The following OTUD7A variants were observed in gnomAD, a reference collection of about 807,000 sequenced individuals.
OTUD7A encodes OTU deubiquitinase 7A.
Under a neutral mutation model 65.7 loss-of-function variants are expected in OTUD7A, and 12 were observed. That is an observed-to-expected ratio of 0.18 (90% CI 0.12 to 0.30). The LOEUF is 0.30. OTUD7A is among the 10% of genes least tolerant of loss of function. The pLI, the probability that OTUD7A is intolerant of heterozygous loss-of-function variation, is 1.00. For missense variants in OTUD7A, 1,148 were observed against 1,304.8 expected, an observed-to-expected ratio of 0.88 and a Z score of 1.85; for synonymous variants, 641 against 586.3, an observed-to-expected ratio of 1.09 and a Z score of -1.35.
chr15:31,786,550 T>C (rs1895679570), intron 1 of OTUD7A, among the ~76,000 whole-genome samples: 1 of 152,122 alleles, frequency 6.6e-6, no homozygotes, highest in African/African-American at 2.4e-5. Context: ...GAGGGGTGTG[T>C]GGCTTTGTGG....
chr15:31,497,139 G>A (rs2041398083), intron 10 of OTUD7A, among the ~76,000 whole-genome samples: 1 of 152,202 alleles, frequency 6.6e-6, no homozygotes, highest in Admixed American at 6.5e-5. Context: ...GGAAGGCACT[G>A]AGGACACACT....
intron 12 of OTUD7A, among the ~76,000 whole-genome samples, chr15:31,486,869 T>C (rs2041245296): frequency 6.6e-6 from 1 of 152,260 alleles, no homozygotes; most frequent in Non-Finnish European, 1.5e-5. Context: ...GCGTGTTGAT[T>C]CCTTCTGCAG....
rs72709355 is a variant in OTUD7A, at chr15:31,769,531, T to C, written c.-100+100976A>G. Among the ~76,000 whole-genome samples, 1,382 of 152,336 alleles carry C rather than the reference T, an allele frequency of 9.1e-3. 11 individuals are homozygous for C. The highest frequency in any genetic ancestry group is 0.017 in the Middle Eastern group (5 of 294). On this transcript the variant is annotated intron_variant, in intron 1 of 12. Coordinates refer to ENST00000307050, the MANE Select transcript of OTUD7A (RefSeq NM_001382637.1). Reference sequence around the variant, plus strand: ...TTCACGAATGTTCATAGCCACTTTATTTGTGATAATCCCAAACTAGAACCT... The same window carrying C: ...TTCACGAATGTTCATAGCCACTTTACTTGTGATAATCCCAAACTAGAACCT...
intron 1 of OTUD7A, among the ~76,000 whole-genome samples, chr15:31,681,328 C>T (rs952466660): frequency 5.3e-5 from 8 of 152,060 alleles, no homozygotes; most frequent in Non-Finnish European, 1.2e-4. Context: ...CCCACCCACC[C>T]AGCCACCCAC....
rs74461343 is a variant in OTUD7A at position 31,596,511 on chromosome 15, T to C, written c.152-26314A>G. On this transcript the variant is annotated intron_variant, in intron 3 of 12. Transcript: ENST00000307050. ...CTTTAGTTAATATCCAAGAGTAGAA[T>C]TGCTGGGTTAAGGGCTTAAATGTAT... Among the ~76,000 whole-genome samples the C allele has an allele frequency of 3.3e-3, 506 of 152,330 alleles. 2 individuals carry two copies. Among genetic ancestry groups the C allele is most frequent in the African/African-American group, 0.011 (472 of 41,576 alleles).
intron 1 of OTUD7A, among the ~76,000 whole-genome samples, chr15:31,738,125 G>C (rs1894242418): frequency 6.6e-6 from 1 of 152,122 alleles, no homozygotes; most frequent in African/African-American, 2.4e-5. Context: ...CAGTTTGCCA[G>C]AGAAAACAAG....
chr15:31,659,985 G>T, intron 1 of OTUD7A, among the ~76,000 whole-genome samples: 1 of 152,278 alleles, frequency 6.6e-6, no homozygotes, highest in Non-Finnish European at 1.5e-5. Context: ...ATGAGGGTGA[G>T]AACAACCCTG....
intron 10 of OTUD7A, among the ~76,000 whole-genome samples, chr15:31,497,584 A>G (rs1192178416): frequency 6.6e-6 from 1 of 152,154 alleles, no homozygotes; most frequent in East Asian, 1.9e-4. Flanking sequence ...GAATAGCCAC[A>G]GATGGCATTG....
intron 5 of OTUD7A, among the ~76,000 whole-genome samples, chr15:31,535,809 T>C (rs1887782555): frequency 6.6e-6 from 1 of 151,668 alleles, no homozygotes; most frequent in Admixed American, 6.6e-5. Flanking sequence ...CCCGAGTAGC[T>C]GGGACTACAG....
At chr15:31,654,720 T>A (rs947036479) in intron 3 of OTUD7A, among the ~76,000 whole-genome samples, 1 of 152,212 alleles carries the variant, frequency 6.6e-6, no homozygotes, top group African/African-American at 2.4e-5. Flanking sequence ...GCAAATGGTA[T>A]CTACGTGAAA....
intron 3 of OTUD7A, among the ~76,000 whole-genome samples, chr15:31,653,340 A>G (rs2141276000): frequency 6.6e-6 from 1 of 152,310 alleles, no homozygotes; most frequent in South Asian, 2.1e-4. Context: ...CTCTAGTTGT[A>G]ACTGCCAAAA....
chr15:31,611,927 C>G (rs7169637), intron 3 of OTUD7A, among the ~76,000 whole-genome samples: 43,625 of 152,046 alleles, frequency 0.29, 7,387 homozygotes, highest in African/African-American at 0.47. Context: ...CCAAATCCAA[C>G]AACATATCAA....
intron 1 of OTUD7A, among the ~76,000 whole-genome samples, chr15:31,750,205 C>T (rs1490182715): frequency 2.0e-5 from 3 of 151,940 alleles, no homozygotes; most frequent in African/African-American, 2.4e-5. Context: ...GTCAGGAGTT[C>T]GAGACCAGCC....
At chr15:31,656,698 T>C (rs929415764) in intron 2 of OTUD7A, among the ~76,000 whole-genome samples, 5 of 152,116 alleles carry the variant, frequency 3.3e-5, no homozygotes, top group African/African-American at 1.2e-4. Flanking sequence ...GAGTAGGTCC[T>C]GTGTCAGTGG....
rs558052093 is a variant in OTUD7A, at chr15:31,553,694, CCAT to C, written c.550+5272_550+5274del. Among the ~76,000 whole-genome samples the C allele has an allele frequency of 1.8e-3, 270 of 152,156 alleles. 1 individual carries two copies. The highest frequency in any genetic ancestry group is 3.4e-3 in the Non-Finnish European group (233 of 68,000). The stretch of plus-strand genomic sequence containing the variant: ...CCCTGCCTGCCAGAGCCCCAGCCCT[CCAT>C]CATCAAGGCCTGTAGGTCTGCCTTC... On this transcript the variant is annotated intron_variant, in intron 5 of 12. Coordinates refer to ENST00000307050, the MANE Select transcript of OTUD7A (RefSeq NM_001382637.1).
chr15:31,803,005 G>T (rs552687238), intron 1 of OTUD7A, among the ~76,000 whole-genome samples: 1 of 152,294 alleles, frequency 6.6e-6, no homozygotes, highest in African/African-American at 2.4e-5. Context: ...GTGACCTTTT[G>T]GCTGAGGGAG....
At chr15:31,551,410 T>G (rs1888320440) in intron 5 of OTUD7A, among the ~76,000 whole-genome samples, 1 of 152,220 alleles carries the variant, frequency 6.6e-6, no homozygotes, top group Non-Finnish European at 1.5e-5. Context: ...ACACGGGCAC[T>G]GGCATTGTGA....
At chr15:31,787,131 AT>A (rs1343120752) in intron 1 of OTUD7A, among the ~76,000 whole-genome samples, 1 of 152,188 alleles carries the variant, frequency 6.6e-6, no homozygotes, top group Non-Finnish European at 1.5e-5. Context: ...GGATGTGATG[AT>A]GGAGAACTGG....
intron 3 of OTUD7A, among the ~76,000 whole-genome samples, chr15:31,618,463 T>C (rs558636935): frequency 2.6e-5 from 4 of 152,318 alleles, no homozygotes; most frequent in Admixed American, 1.3e-4. Context: ...TTTTTAATGA[T>C]TGCCATTCTA....
Sources: gnomAD v4.1 joint callset for allele counts (sites outside exome capture counted in the v4.1 genomes callset) on GRCh38, gnomAD v4.1.1 for gene constraint, MANE v1.5 for transcripts, NCBI Gene and HGNC (gene_info 2026-07-23, HGNC 2026-07-21) for gene names.